The following NKAIN3 variants were observed in gnomAD, a reference collection of about 807,000 sequenced individuals.
NKAIN3 encodes sodium/potassium-transporting ATPase subunit beta-1-interacting protein 3.
In NKAIN3, 25 loss-of-function variants were observed where a neutral mutation model predicts 30.2. The observed-to-expected ratio is 0.83, with a 90% CI of 0.60 to 1.16. The LOEUF (loss-of-function observed/expected upper bound fraction) is 1.16, where lower values mean the gene tolerates loss of function less well. Ranked by LOEUF, NKAIN3 falls within the 50% of genes most tolerant of loss-of-function variation. NKAIN3 has a pLI of 0.00. For synonymous variants in NKAIN3, 91 were observed against 89.6 expected, an observed-to-expected ratio of 1.02 and a Z score of -0.09; for missense variants, 225 against 254.1, an observed-to-expected ratio of 0.89 and a Z score of 0.78.
chr8:62,739,274 A>AT (rs1301584854), intron 3 of NKAIN3, among the ~76,000 whole-genome samples: 17 of 152,032 alleles, frequency 1.1e-4, no homozygotes, highest in African/African-American at 3.9e-4. Flanking sequence ...TACGAAAAAA[A>AT]AAAATATATA....
chr8:62,551,637 A>G (rs888757835), intron 1 of NKAIN3, among the ~76,000 whole-genome samples: 2 of 152,192 alleles, frequency 1.3e-5, no homozygotes, highest in Non-Finnish European at 2.9e-5. Flanking sequence ...TTGTTTTGAG[A>G]CCGTTGGAAA....
intron 1 of NKAIN3, among the ~76,000 whole-genome samples, chr8:62,436,941 A>G (rs1271115499): frequency 6.6e-6 from 1 of 151,770 alleles, no homozygotes; most frequent in Non-Finnish European, 1.5e-5. Flanking sequence ...AAATGAAATA[A>G]AAAATCATTC....
rs1340235725 is a variant in NKAIN3, at chr8:62,345,655, ATACATATG to A, written c.54+96531_54+96538del. Among the ~76,000 whole-genome samples the A allele has an allele frequency of 1.9e-3, 285 of 150,130 alleles. 2 individuals carry two copies. Among genetic ancestry groups the A allele is most frequent in the African/African-American group, 6.7e-3 (270 of 40,484 alleles). ...CACATATATGTATATATACACATAT[ATACATATG>A]TATACCTGGAATATATATACCAGAC... On this transcript the variant is annotated intron_variant, in intron 1 of 6. Transcript: ENST00000623646.
downstream of NKAIN3, among the ~76,000 whole-genome samples, chr8:62,987,558 A>G (rs1224728937): frequency 2.0e-5 from 3 of 152,300 alleles, no homozygotes; most frequent in South Asian, 2.1e-4. Flanking sequence ...GATCATGTCC[A>G]GGGGAACTCT....
intron 1 of NKAIN3, among the ~76,000 whole-genome samples, chr8:62,555,810 T>C (rs1809369105): frequency 6.6e-6 from 1 of 152,122 alleles, no homozygotes; most frequent in South Asian, 2.1e-4. Flanking sequence ...TTCAAGAACA[T>C]AGAAATATTT....
At chr8:62,252,835 G>T (rs1019742013) in intron 1 of NKAIN3, among the ~76,000 whole-genome samples, 1 of 152,166 alleles carries the variant, frequency 6.6e-6, no homozygotes, top group Non-Finnish European at 1.5e-5. Context: ...TACATAAAAA[G>T]AAGCACTTGA....
chr8:62,322,474 C>T (rs567694045), intron 1 of NKAIN3, among the ~76,000 whole-genome samples: 1 of 152,258 alleles, frequency 6.6e-6, no homozygotes, highest in Non-Finnish European at 1.5e-5. Context: ...GGCTCCACCC[C>T]AGGATTTTGG....
intron 1 of NKAIN3, chr8:62,344,745 T>C (rs1764115984): frequency 6.6e-6 from 2 of 303,696 alleles, no homozygotes; most frequent in African/African-American, 4.5e-5. Flanking sequence ...AGTACTCCAG[T>C]TTGCTACACA....
intron 1 of NKAIN3, among the ~76,000 whole-genome samples, chr8:62,380,541 T>C (rs919458481): frequency 1.3e-5 from 2 of 152,178 alleles, no homozygotes. Flanking sequence ...GTACTGAGCA[T>C]ATATGCCTGT....
chr8:62,702,674 G>A (rs1814377252), intron 3 of NKAIN3, among the ~76,000 whole-genome samples: 2 of 152,120 alleles, frequency 1.3e-5, no homozygotes, highest in South Asian at 4.1e-4. Context: ...TGTAAATTAT[G>A]TCACCAACAT....
At chr8:62,859,644 C>T (rs1015705841) in intron 4 of NKAIN3, among the ~76,000 whole-genome samples, 2 of 151,568 alleles carry the variant, frequency 1.3e-5, no homozygotes, top group African/African-American at 4.9e-5. Context: ...GCTTACATTG[C>T]TTCAAAGATA....
chr8:62,849,128 T>C lies in NKAIN3; in HGVS notation c.472-69325T>C, dbSNP rs148504127. Among the ~76,000 whole-genome samples the C allele has an allele frequency of 1.8e-3, 269 of 152,222 alleles. 1 individual carries two copies. In the Middle Eastern group the frequency reaches 0.02, roughly 12 times the overall value. On this transcript the variant is annotated intron_variant, in intron 4 of 6. Transcript: ENST00000623646. ...GGATATGGCCTAAAGTTTTCCTTTT[T>C]TGTCATATCTCTGCCAGGTTTTGGT...
rs1823778992 is a variant in NKAIN3, at chr8:62,969,190, C to T, written c.*3783C>T. Among the ~76,000 whole-genome samples, 1 of 152,202 alleles carries T rather than the reference C, an allele frequency of 6.6e-6. No individual in the cohort carries two copies. Among genetic ancestry groups the T allele is most frequent in the African/African-American group, 2.4e-5 (1 of 41,452 alleles). ...TTGATTTTTCCTTCAGAAAAATAAG[C>T]CCTGTTATTCCTATAGACCTAAATA... On this transcript the variant is annotated 3_prime_UTR_variant, in exon 7 of 7. Coordinates refer to ENST00000623646, the MANE Select transcript of NKAIN3 (RefSeq NM_001304533.3).
At chr8:62,844,193 AT>A (rs1563589264) in intron 4 of NKAIN3, among the ~76,000 whole-genome samples, 1 of 152,158 alleles carries the variant, frequency 6.6e-6, no homozygotes, top group African/African-American at 2.4e-5. Context: ...GGCCTTAAAT[AT>A]TTTTTGGCAA....
At chr8:62,930,627 G>T (rs972108) in intron 5 of NKAIN3, among the ~76,000 whole-genome samples, 6,046 of 151,448 alleles carry the variant, frequency 0.04, 364 homozygotes, top group African/African-American at 0.13. Context: ...CACAATATTT[G>T]TTCTTTTGTG....
chr8:62,445,235 C>G (rs761512726), intron 1 of NKAIN3, among the ~76,000 whole-genome samples: 1 of 151,990 alleles, frequency 6.6e-6, no homozygotes, highest in African/African-American at 2.4e-5. Flanking sequence ...TGAGCCACCA[C>G]GCCCAACCTT....
At chr8:62,786,070 C>A (rs182368734) in intron 4 of NKAIN3, among the ~76,000 whole-genome samples, 286 of 152,062 alleles carry the variant, frequency 1.9e-3, no homozygotes, top group Non-Finnish European at 3.1e-3. Context: ...ACCACCACAC[C>A]CCCCTCCCTG....
At chr8:62,270,884 AG>A (rs1485650707) in intron 1 of NKAIN3, among the ~76,000 whole-genome samples, 6 of 152,202 alleles carry the variant, frequency 3.9e-5, no homozygotes, top group Admixed American at 2.0e-4. Context: ...GCAGTATTGA[AG>A]GGTTGGCTCA....
chr8:62,303,056 G>A (rs12544342), intron 1 of NKAIN3, among the ~76,000 whole-genome samples: 1 of 150,186 alleles, frequency 6.7e-6, no homozygotes, highest in Non-Finnish European at 1.5e-5. Context: ...CCTGGTCATT[G>A]TTGTGGACCC....
Sources: allele counts gnomAD v4.1 joint callset (sites outside exome capture counted in the v4.1 genomes callset), GRCh38; gene constraint gnomAD v4.1.1; transcripts MANE v1.5; gene names NCBI Gene and HGNC (gene_info 2026-07-23, HGNC 2026-07-21).